The following BCAS3 variants were observed in gnomAD, a reference collection of about 807,000 sequenced individuals.
The protein encoded by BCAS3 is BCAS3 microtubule associated cell migration factor.
In BCAS3, 53 loss-of-function variants were observed where a neutral mutation model predicts 116.1. That is an observed-to-expected ratio of 0.46 (90% CI 0.37 to 0.57). The LOEUF (loss-of-function observed/expected upper bound fraction) is 0.57. BCAS3 is among the 20% of genes least tolerant of loss of function. The pLI is 0.00. For synonymous variants in BCAS3, 391 were observed against 408.2 expected (o/e 0.96, Z 0.51); for missense variants, 917 against 1,165.4 (o/e 0.79, Z 3.10).
chr17:61,018,722 G>GT (rs1229579414), intron 16 of BCAS3, among the ~76,000 whole-genome samples: 2 of 152,020 alleles, frequency 1.3e-5, no homozygotes, highest in African/African-American at 4.8e-5. Flanking sequence ...AACATGTTAC[G>GT]TTTTTGCAGC....
chr17:61,211,071 A>C lies in BCAS3; in HGVS notation c.2425+126507A>C, dbSNP rs1045792144. ...AGGGTCCCAGCGCTGGGTGGGGGAC[A>C]GGAGAAAAGGCCTGAGGCACGGGGG... On this transcript the variant is annotated intron_variant, in intron 22 of 23. Coordinates refer to ENST00000407086, the MANE Select transcript of BCAS3 (RefSeq NM_017679.5). This position sits in a 1 kb window ranked among gnomAD's most constrained non-coding sequence, Gnocchi z 4.4. Among the ~76,000 whole-genome samples the C allele has an allele frequency of 1.3e-5, 2 of 152,152 alleles. No individual in the cohort carries two copies. Among genetic ancestry groups the C allele is most frequent in the Non-Finnish European group, 2.9e-5 (2 of 68,032 alleles).
At chr17:60,947,755 A>T (rs1335092578) in intron 14 of BCAS3, among the ~76,000 whole-genome samples, 3 of 152,200 alleles carry the variant, frequency 2.0e-5, no homozygotes, top group Admixed American at 6.5e-5. Context: ...GGACATATTC[A>T]TATATACAAA....
chr17:61,297,751 G>C (rs1344698267), intron 22 of BCAS3, among the ~76,000 whole-genome samples: 1 of 152,112 alleles, frequency 6.6e-6, no homozygotes, highest in Non-Finnish European at 1.5e-5. Flanking sequence ...GAAAAGTACA[G>C]GTGTTCGTGT....
chr17:61,173,790 G>T (rs1243277896), intron 22 of BCAS3, among the ~76,000 whole-genome samples: 1 of 151,806 alleles, frequency 6.6e-6, no homozygotes, highest in Non-Finnish European at 1.5e-5. Context: ...GTTGAGATGG[G>T]GGATGACTTG....
At chr17:60,699,012 T>G (rs1269098566) in intron 4 of BCAS3, among the ~76,000 whole-genome samples, 2 of 152,046 alleles carry the variant, frequency 1.3e-5, no homozygotes, top group Non-Finnish European at 2.9e-5. Context: ...GAGCCAAGAC[T>G]GCATCACTAC....
rs577880912 is a variant in BCAS3, at chr17:60,778,329, G to T, written c.404-29675G>T. ...AAACTCATTTCATCTCCTCTGAACA[G>T]AATATATTTTTAGTTAATTTTATAA... On this transcript the variant is annotated intron_variant, in intron 6 of 23. Coordinates refer to ENST00000407086, the MANE Select transcript of BCAS3 (RefSeq NM_017679.5). Among the ~76,000 whole-genome samples, 47 of 152,036 alleles carry T rather than the reference G, an allele frequency of 3.1e-4. No homozygotes were observed. The South Asian group carries it at 3.5e-3, about 11-fold the overall frequency.
chr17:60,893,126 TTTG>T (rs2057288000), intron 10 of BCAS3, among the ~76,000 whole-genome samples: 1 of 152,140 alleles, frequency 6.6e-6, no homozygotes, highest in African/African-American at 2.4e-5. Flanking sequence ...TGTTCAGTTG[TTTG>T]AGTTTCTTGT....
At position 61,392,371 on chromosome 17, in the gene BCAS3, C is replaced by T. The variant is rs1466708614; in HGVS notation, c.*246C>T. On this transcript the variant is annotated 3_prime_UTR_variant, in exon 24 of 24. Coordinates refer to ENST00000407086, the MANE Select transcript of BCAS3 (RefSeq NM_017679.5). This position sits in a 1 kb window ranked among gnomAD's most constrained non-coding sequence, Gnocchi z 6.4. The stretch of plus-strand genomic sequence containing the variant: ...CCAGGAGAGACTGTAGAAGCTCGGT[C>T]CCTGTGTATGTTTGCATATGACATC... 4 of 439,106 alleles carry T rather than the reference C, an allele frequency of 9.1e-6. No homozygotes were observed. Among genetic ancestry groups the T allele is most frequent in the African/African-American group, 2.0e-5 (1 of 49,534 alleles). The allele number at this position is 439,106 out of a possible 1,614,324, so 27.2% of individuals were successfully genotyped here. A position where few individuals can be genotyped will look rare whatever the true frequency, so the allele number is the denominator to read the frequency against.
rs543895788 is a variant in BCAS3, at chr17:60,964,232, GT to G, written c.1221+16887del. ...GTTTCTATACCCATTTTGATTAGGG[GT>G]TTTTTTATATCATAAAGGATGTTGA... On this transcript the variant is annotated intron_variant, in intron 14 of 23. Transcript: ENST00000407086. This position sits in a 1 kb window ranked among gnomAD's most constrained non-coding sequence, Gnocchi z 4.6. Among the ~76,000 whole-genome samples the G allele has an allele frequency of 1.6e-4, 24 of 152,100 alleles. 1 individual carries two copies. In the South Asian group the frequency reaches 5.0e-3, roughly 32 times the overall value.
chr17:61,250,487 T>C (rs1041426544), intron 22 of BCAS3, among the ~76,000 whole-genome samples: 2 of 152,200 alleles, frequency 1.3e-5, no homozygotes, highest in African/African-American at 4.8e-5. Flanking sequence ...TGAGCACTGC[T>C]CTGTGCTGTA....
rs575154326 is a variant in BCAS3 at position 61,042,401 on chromosome 17, T to G, written c.2029+1509T>G. Among the ~76,000 whole-genome samples, 86 of 152,118 alleles carry G rather than the reference T, an allele frequency of 5.7e-4. 2 individuals carry two copies. Among genetic ancestry groups the G allele is most frequent in the Non-Finnish European group, 1.1e-3 (76 of 67,938 alleles). ...GATATAGCTATATCTATCTCTTAAT[T>G]GTTTTTTGTTCCAGTGATTGACCTT... is the stretch of plus-strand genomic sequence containing the variant. On this transcript the variant is annotated intron_variant, in intron 19 of 23. Transcript: ENST00000407086.
chr17:61,269,845 C>T (rs1379541971), intron 22 of BCAS3, among the ~76,000 whole-genome samples: 1 of 150,932 alleles, frequency 6.6e-6, no homozygotes, highest in Non-Finnish European at 1.5e-5. Flanking sequence ...GCTCTGTTGC[C>T]CAGGCTGGAG....
At chr17:61,184,639 T>TA (rs1183916688) in intron 22 of BCAS3, among the ~76,000 whole-genome samples, 7 of 152,076 alleles carry the variant, frequency 4.6e-5, no homozygotes, top group Non-Finnish European at 8.8e-5. Flanking sequence ...TCAGTGTTTA[T>TA]AAAAAAAGAT....
intron 3 of BCAS3, among the ~76,000 whole-genome samples, chr17:60,687,857 C>T (rs532323629): frequency 6.6e-6 from 1 of 152,222 alleles, no homozygotes; most frequent in Admixed American, 6.5e-5. Flanking sequence ...TAAAAAACAC[C>T]ATGTCCACTA....
intron 5 of BCAS3, among the ~76,000 whole-genome samples, chr17:60,711,358 G>A (rs925567813): frequency 4.6e-5 from 7 of 151,526 alleles, no homozygotes; most frequent in South Asian, 2.1e-4. Context: ...TTTTTCTTAC[G>A]GAGAGAAATA....
intron 22 of BCAS3, among the ~76,000 whole-genome samples, chr17:61,169,311 T>C (rs2078700998): frequency 6.6e-6 from 1 of 152,232 alleles, no homozygotes; most frequent in Non-Finnish European, 1.5e-5. Flanking sequence ...TTTTGAGAAG[T>C]CTGGAATGAA....
chr17:60,686,230 T>C (rs913444559), intron 3 of BCAS3, among the ~76,000 whole-genome samples: 1 of 152,146 alleles, frequency 6.6e-6, no homozygotes, highest in Non-Finnish European at 1.5e-5. Flanking sequence ...ACATTTTTTT[T>C]CCCACATTTA....
chr17:60,975,202 C>T (rs2145367090), intron 14 of BCAS3, among the ~76,000 whole-genome samples: 1 of 151,784 alleles, frequency 6.6e-6, no homozygotes, highest in South Asian at 2.1e-4. Context: ...GGGGTTTCAC[C>T]TTGTTAGCCA....
At chr17:61,331,898 C>T (rs1197644934) in intron 22 of BCAS3, among the ~76,000 whole-genome samples, 1 of 152,148 alleles carries the variant, frequency 6.6e-6, no homozygotes. Context: ...CTGGCAAGAG[C>T]TTTATCTGCC....
Sources: gnomAD v4.1 joint callset for allele counts (sites outside exome capture counted in the v4.1 genomes callset) on GRCh38, gnomAD v4.1.1 for gene constraint, Gnocchi (gnomAD v3.1) non-coding constraint, MANE v1.5 for transcripts, NCBI Gene and HGNC (gene_info 2026-07-23, HGNC 2026-07-21) for gene names.